Variants in DEPDC5 observed in about 807,000 individuals in gnomAD.
The protein encoded by DEPDC5 is DEP domain containing 5, GATOR1 subcomplex subunit, also known as GATOR1 complex protein DEPDC5.
In DEPDC5, 73 loss-of-function variants were observed where a neutral mutation model predicts 217.3. The observed-to-expected ratio is 0.34, with a 90% CI of 0.28 to 0.41. DEPDC5 has a LOEUF of 0.41. Ranked by LOEUF, DEPDC5 falls within the 10% of genes least tolerant of loss-of-function variation. The probability of loss-of-function intolerance (pLI) is 1.00; values close to 1 mark genes in which losing one functional copy is unlikely to be tolerated. For missense variants in DEPDC5, 1,675 were observed against 2,070.1 expected, an observed-to-expected ratio of 0.81 and a Z score of 3.70; for synonymous variants, 733 against 756.7, an observed-to-expected ratio of 0.97 and a Z score of 0.51.
intron 20 of DEPDC5, 121 bp downstream of exon 20, chr22:31,810,762 T>C: frequency 1.3e-6 from 2 of 1,500,230 alleles, no homozygotes; most frequent in Non-Finnish European, 1.8e-6. Context: ...TGTTTCGTTT[T>C]GGTTTTTTGT....
At chr22:31,843,357 A>C (rs776739394) in intron 28 of DEPDC5, 145 bp downstream of exon 28, 14 of 896,880 alleles carry the variant, frequency 1.6e-5, no homozygotes, top group Non-Finnish European at 2.2e-5. Flanking sequence ...TTCTAGGGTT[A>C]TTTTAGGGTT....
intron 30 of DEPDC5, among the ~76,000 whole-genome samples, chr22:31,845,613 C>G (rs1193751429): frequency 6.6e-6 from 1 of 152,136 alleles, no homozygotes; most frequent in Non-Finnish European, 1.5e-5. Context: ...CTCCAGAGTT[C>G]CCAGCACCCT....
At chr22:31,874,105 T>C in intron 35 of DEPDC5, 168 bp from the exon 36 acceptor site, 1 of 1,109,658 alleles carries the variant, frequency 9.0e-7, no homozygotes, top group Non-Finnish European at 1.2e-6. Flanking sequence ...CGGTAACAGT[T>C]TCTTTTGTCC....
intron 31 of DEPDC5, chr22:31,852,910 C>T (rs894414373): frequency 1.3e-5 from 2 of 152,156 alleles, no homozygotes; most frequent in African/African-American, 2.4e-5. Flanking sequence ...TCCCGCTAGT[C>T]CAGGCAAGAG....
rs74533030 is a variant in DEPDC5, at chr22:31,790,511, G to A, written c.625-1522G>A. Among the ~76,000 whole-genome samples the A allele has an allele frequency of 3.5e-3, 533 of 152,296 alleles. 5 individuals carry two copies. Among genetic ancestry groups the A allele is most frequent in the African/African-American group, 0.012 (511 of 41,576 alleles). On this transcript the variant is annotated intron_variant, in intron 10 of 42. Transcript: ENST00000651528. ...CTTGGCTTATACCGCTGAGTCCAGA[G>A]CAAACCCCACCCTCATCCTATGAGA...
chr22:31,755,740 A>G (rs1169119270), intron 2 of DEPDC5, among the ~76,000 whole-genome samples: 1 of 152,028 alleles, frequency 6.6e-6, no homozygotes, highest in Non-Finnish European at 1.5e-5. Context: ...ATAAATCTGA[A>G]GAATAAAAGG....
intron 11 of DEPDC5, 39 bp downstream of exon 11, chr22:31,792,141 A>T: frequency 6.8e-7 from 1 of 1,475,322 alleles, no homozygotes. Flanking sequence ...TGTTTTTGTT[A>T]AGCTTCCCCC....
At chr22:31,793,652 C>T (rs1034674110) in intron 12 of DEPDC5, among the ~76,000 whole-genome samples, 6 of 152,084 alleles carry the variant, frequency 3.9e-5, no homozygotes, top group African/African-American at 1.2e-4. Context: ...TGACTGCAAA[C>T]TCCGCCTCCC....
At chr22:31,882,002 A>C (rs2093189446) in intron 38 of DEPDC5, among the ~76,000 whole-genome samples, 1 of 152,066 alleles carries the variant, frequency 6.6e-6, no homozygotes, top group Admixed American at 6.5e-5. Context: ...AAGGGCAGGT[A>C]CCTACCCTGA....
intron 38 of DEPDC5, among the ~76,000 whole-genome samples, chr22:31,887,535 GT>G (rs781577529): frequency 8.6e-5 from 13 of 152,028 alleles, no homozygotes; most frequent in Non-Finnish European, 1.6e-4. Context: ...TTCTCCTGGG[GT>G]CTCTGTGTGG....
intron 38 of DEPDC5, among the ~76,000 whole-genome samples, chr22:31,885,149 C>T (rs1190095210): frequency 6.6e-6 from 1 of 152,172 alleles, no homozygotes; most frequent in Non-Finnish European, 1.5e-5. Context: ...GTCATGTTCC[C>T]CTTCTGGGCA....
chr22:31,830,053 A>T (rs1287560860), intron 24 of DEPDC5, among the ~76,000 whole-genome samples: 1 of 152,266 alleles, frequency 6.6e-6, no homozygotes, highest in Non-Finnish European at 1.5e-5. Context: ...AACTCATAGC[A>T]TACTGAGACT....
At chr22:31,894,749 G>C (rs191167550) in intron 39 of DEPDC5, 1 of 152,020 alleles carries the variant, frequency 6.6e-6, no homozygotes, top group Non-Finnish European at 1.5e-5. Context: ...GGAAGCTGAG[G>C]CAGGGGAATC....
At chr22:31,900,796 C>T (rs1236365585) in intron 40 of DEPDC5, among the ~76,000 whole-genome samples, 1 of 152,082 alleles carries the variant, frequency 6.6e-6, no homozygotes, top group Non-Finnish European at 1.5e-5. Context: ...CTTACATGGT[C>T]CAGGCACAGT....
chr22:31,824,429 G>T (rs915214267), intron 24 of DEPDC5, among the ~76,000 whole-genome samples: 1 of 152,128 alleles, frequency 6.6e-6, no homozygotes, highest in Non-Finnish European at 1.5e-5. Context: ...TCATTGGTAG[G>T]TTCATCCAGC....
At chr22:31,791,559 G>A (rs1218640826) in intron 10 of DEPDC5, among the ~76,000 whole-genome samples, 1 of 151,060 alleles carries the variant, frequency 6.6e-6, no homozygotes, top group Non-Finnish European at 1.5e-5. Context: ...GAACCTGGGA[G>A]GTGGAGGCTG....
chr22:31,759,529 A>T (rs1441100997), intron 3 of DEPDC5, among the ~76,000 whole-genome samples: 1 of 150,914 alleles, frequency 6.6e-6, no homozygotes, highest in East Asian at 2.0e-4. Context: ...GCGTGCCACC[A>T]TGCTTGGCTA....
At chr22:31,889,580 C>T (rs543036937) in intron 38 of DEPDC5, among the ~76,000 whole-genome samples, 128 of 137,878 alleles carry the variant, frequency 9.3e-4, no homozygotes, top group African/African-American at 3.4e-3. Flanking sequence ...GACAGAGTCT[C>T]GCTCTGTTGC....
chr22:31,769,313 C>T (rs562260377), intron 7 of DEPDC5: 1 of 149,294 alleles, frequency 6.7e-6, no homozygotes, highest in Non-Finnish European at 1.5e-5. Flanking sequence ...CCACAAAATG[C>T]ACTATAGTAG....
Sources: gnomAD v4.1 joint callset for allele counts (sites outside exome capture counted in the v4.1 genomes callset) on GRCh38, gnomAD v4.1.1 for gene constraint, MANE v1.5 for transcripts, NCBI Gene and HGNC (gene_info 2026-07-23, HGNC 2026-07-21) for gene names.